Variants in KIAA1671 observed in about 807,000 individuals in gnomAD.
The protein encoded by KIAA1671 is uncharacterized protein KIAA1671.
A neutral mutation model predicts 131.2 loss-of-function variants in KIAA1671; 52 were observed. The observed-to-expected ratio is 0.40, with a 90% confidence interval of 0.32 to 0.50. The LOEUF is 0.50. Ranked by LOEUF, KIAA1671 falls within the 20% of genes least tolerant of loss-of-function variation. KIAA1671 has a pLI of 0.73. For missense variants in KIAA1671, 2,360 were observed against 2,364.2 expected (o/e 1.00, Z 0.04); for synonymous variants, 1,003 against 961.6 (o/e 1.04, Z -0.80).
intron 6 of KIAA1671, chr22:25,063,131 G>A (rs527304162): frequency 1.3e-5 from 2 of 152,192 alleles, no homozygotes; most frequent in South Asian, 4.2e-4. Context: ...AAGTTCCGGA[G>A]TGCAGTAAGA....
At chr22:25,188,447 G>GGTGTGTGTGTGTGTGTGTGT (rs59590267) in intron 11 of KIAA1671, among the ~76,000 whole-genome samples, 1 of 137,890 alleles carries the variant, frequency 7.3e-6, no homozygotes, top group African/African-American at 2.7e-5. Flanking sequence ...GAGCCAATCG[G>GGTGTGTGTGTGTGTGTGTGT]GTGTGTGTGT....
intron 4 of KIAA1671, among the ~76,000 whole-genome samples, chr22:25,037,342 T>C (rs5752046): frequency 0.14 from 21,228 of 152,076 alleles, 2,998 homozygotes; most frequent in African/African-American, 0.37. Flanking sequence ...TATATATGTG[T>C]ATATTGCAAA....
intron 6 of KIAA1671, chr22:25,050,575 C>T (rs1927481088): frequency 6.6e-6 from 1 of 152,256 alleles, no homozygotes; most frequent in Non-Finnish European, 1.5e-5. Context: ...ACTTTGCTTT[C>T]CTGAACCTCA....
chr22:25,143,475 G>C (rs2145964524), intron 6 of KIAA1671, among the ~76,000 whole-genome samples: 1 of 152,318 alleles, frequency 6.6e-6, no homozygotes, highest in African/African-American at 2.4e-5. Flanking sequence ...AAACATTGCT[G>C]TGAAAAGCTC....
intron 6 of KIAA1671, among the ~76,000 whole-genome samples, chr22:25,133,844 T>A (rs1932557252): frequency 6.6e-6 from 1 of 152,176 alleles, no homozygotes; most frequent in Non-Finnish European, 1.5e-5. Flanking sequence ...CACCGCATCC[T>A]GCCCCTCCTT....
At chr22:25,087,037 A>T (rs1057383199) in intron 6 of KIAA1671, among the ~76,000 whole-genome samples, 7 of 152,304 alleles carry the variant, frequency 4.6e-5, no homozygotes, top group Non-Finnish European at 1.0e-4. Context: ...ACAGGGTTCA[A>T]ATCTACCTCT....
chr22:25,017,784 C>T (rs1249074538), intron 1 of KIAA1671, among the ~76,000 whole-genome samples: 1 of 152,122 alleles, frequency 6.6e-6, no homozygotes, highest in Non-Finnish European at 1.5e-5. Flanking sequence ...GTTCTGGCTC[C>T]TAAGCCAGGG....
At chr22:25,017,964 C>A (rs6004396) in intron 1 of KIAA1671, among the ~76,000 whole-genome samples, 65,054 of 151,790 alleles carry the variant, frequency 0.43, 13,927 homozygotes, top group Middle Eastern at 0.51. Context: ...CTCTAATAAC[C>A]ATGTTTATCT....
chr22:25,083,584 T>TG (rs1170618374), intron 6 of KIAA1671, among the ~76,000 whole-genome samples: 1 of 152,232 alleles, frequency 6.6e-6, no homozygotes, highest in African/African-American at 2.4e-5. Context: ...TTAACTCACT[T>TG]GCAGAAGATC....
intron 4 of KIAA1671, among the ~76,000 whole-genome samples, chr22:25,037,204 T>G (rs1392539169): frequency 6.6e-6 from 1 of 151,912 alleles, no homozygotes; most frequent in African/African-American, 2.4e-5. Flanking sequence ...ATGCCTGCAC[T>G]TTCAGCTACT....
intron 6 of KIAA1671, among the ~76,000 whole-genome samples, chr22:25,142,374 A>T (rs971421414): frequency 2.0e-5 from 3 of 152,204 alleles, no homozygotes; most frequent in African/African-American, 7.2e-5. Flanking sequence ...GAGTCCTCTC[A>T]GCCATAAATA....
At chr22:25,025,174 C>T (rs957840569) in intron 1 of KIAA1671, among the ~76,000 whole-genome samples, 212 of 61,048 alleles carry the variant, frequency 3.5e-3, no homozygotes, top group African/African-American at 0.012. Flanking sequence ...GTCAGCACCT[C>T]GAATGCTCAG....
chr22:25,177,388 T>C lies in KIAA1671; in HGVS notation c.4940T>C (p.Val1647Ala). The C allele has an allele frequency of 6.4e-7, 1 of 1,551,520 alleles. No homozygotes were observed. Among genetic ancestry groups the C allele is most frequent in the Non-Finnish European group, 8.7e-7 (1 of 1,146,958 alleles). The change falls in exon 9 of 13, where the codon GTG (valine) becomes GCG (alanine). Residue 1647 changes from valine (V) to alanine (A), a missense_variant. Transcript: ENST00000358431. ...VLDSSALKTRVQLSKRSRRRA... is the reference protein window; with the variant it reads ...VLDSSALKTRAQLSKRSRRRA... The stretch of plus-strand genomic sequence containing the variant: ...GACTCAAGTGCCCTCAAGACCCGGG[T>C]GCAGCTCAGCAAGAGAAGCCGCCGC...
At position 25,028,970 on chromosome 22, in the gene KIAA1671, A is replaced by G. The variant is rs1303302703; in HGVS notation, c.971A>G (p.Lys324Arg). The G allele has an allele frequency of 5.8e-6, 9 of 1,543,480 alleles. No homozygotes were observed. Among genetic ancestry groups the G allele is most frequent in the African/African-American group, 1.4e-5 (1 of 72,764 alleles). The change falls in exon 3 of 13, where the codon AAG becomes AGG. Residue 324 changes from lysine to arginine, a missense_variant. Lys to Arg is a conservative substitution (Grantham distance 26, BLOSUM62 2). Coordinates refer to ENST00000358431, the MANE Select transcript of KIAA1671 (RefSeq NM_001145206.2). ...CTAGAGAGGCCCAGAGCAGCGTCCA[A>G]GCTGGACAGGGACTGTTTGGTCAAG... is the stretch of plus-strand genomic sequence containing the variant. ...AGLERPRAAS[K>R]LDRDCLVKAE...
rs1324182723 is a variant in KIAA1671, at chr22:25,125,578, C to T, written c.4531-45242C>T. 5.9e-5 allele frequency among the ~76,000 whole-genome samples: 9 copies of T among 152,158 alleles called. No homozygotes were observed. In the South Asian group the frequency reaches 1.9e-3, roughly 32 times the overall value. On this transcript the variant is annotated intron_variant, in intron 6 of 12. Coordinates refer to ENST00000358431, the MANE Select transcript of KIAA1671 (RefSeq NM_001145206.2). ...GGGTTTCACACCATGGTGACATTGA[C>T]GTTCGGGGCTGGATAATTCTCTGTC...
At chr22:24,986,678 C>T (rs28655728) in intron 1 of KIAA1671, among the ~76,000 whole-genome samples, 1 of 132,402 alleles carries the variant, frequency 7.6e-6, no homozygotes, top group Non-Finnish European at 1.6e-5. Context: ...CACCCATCCA[C>T]CCATCCACCC....
chr22:25,001,141 GC>G (rs1422738936), intron 1 of KIAA1671, among the ~76,000 whole-genome samples: 1 of 151,686 alleles, frequency 6.6e-6, no homozygotes, highest in Non-Finnish European at 1.5e-5. Flanking sequence ...TGAATAGAGT[GC>G]TTTGTAAAAT....
chr22:25,028,240 G>C lies in KIAA1671; in HGVS notation c.241G>C (p.Val81Leu). ...GAAGGAGCAGGACGTGAAATCTCCT[G>C]TCCCGTCTCTGCGGCCCAGTTCGAC... Reference protein sequence around the residue: ...FSKEQDVKSPVPSLRPSSTGP... With the variant: ...FSKEQDVKSPLPSLRPSSTGP... The change falls in exon 3 of 13, where the codon GTC becomes CTC. Residue 81 changes from valine to leucine, a missense_variant. Physicochemically the swap from Val to Leu is conservative, Grantham distance 32. Coordinates refer to ENST00000358431, the MANE Select transcript of KIAA1671 (RefSeq NM_001145206.2). 3.2e-6 allele frequency: 5 copies of C among 1,551,650 alleles called. No homozygotes were observed.
intron 6 of KIAA1671, among the ~76,000 whole-genome samples, chr22:25,162,472 C>T (rs899475737): frequency 1.8e-4 from 28 of 152,206 alleles, no homozygotes; most frequent in African/African-American, 6.3e-4. Context: ...GTCAAACACC[C>T]CAAAATACAT....
Sources: gnomAD v4.1 joint callset for allele counts (sites outside exome capture counted in the v4.1 genomes callset) on GRCh38, gnomAD v4.1.1 for gene constraint, MANE v1.5 for transcripts, NCBI Gene and HGNC (gene_info 2026-07-23, HGNC 2026-07-21) for gene names.